MSS51: variants seen among roughly 807,000 people sequenced by gnomAD.
The protein encoded by MSS51 is MSS51 mitochondrial translational activator.
In MSS51, 32 loss-of-function variants were observed where a neutral mutation model predicts 40.2. The ratio of observed to expected loss-of-function variants is 0.80; its 90% confidence interval spans 0.60 to 1.07. The LOEUF (loss-of-function observed/expected upper bound fraction) is 1.07, where lower values mean the gene tolerates loss of function less well. Ranked by LOEUF, MSS51 falls within the 50% of genes least tolerant of loss-of-function variation. The pLI is 0.00. For synonymous variants in MSS51, 178 were observed against 214.2 expected (o/e 0.83, Z 1.48); for missense variants, 518 against 568.9 (o/e 0.91, Z 0.91).
rs75397737 is a variant in MSS51, at chr10:73,423,959, G to A, written c.*594C>T. The stretch of plus-strand genomic sequence containing the variant: ...AGTGCCATCTGGTTCCAGTCAAAAG[G>A]TAAACTTCTTTACAAAGAAAAGTGT... On this transcript the variant is annotated 3_prime_UTR_variant, in exon 7 of 7. Coordinates refer to ENST00000299432, the MANE Select transcript of MSS51 (RefSeq NM_001024593.2). 6,324 of 152,384 alleles carry A rather than the reference G, an allele frequency of 0.042. 398 individuals carry two copies. The highest frequency in any genetic ancestry group is 0.14 in the African/African-American group (5,720 of 41,502). The allele number at this position is 152,384 out of a possible 1,614,324, so 9.4% of individuals were successfully genotyped here.
rs2055991837 is a variant in MSS51, at chr10:73,426,684, C to A, written c.425G>T (p.Trp142Leu). Residue 142 changes from tryptophan (W) to leucine (L), a missense_variant, in exon 4 of 7, where the codon TGG (tryptophan) becomes TTG (leucine). By Grantham distance (61) the Trp-to-Leu change is moderately conservative. Coordinates refer to ENST00000299432, the MANE Select transcript of MSS51 (RefSeq NM_001024593.2). ...YCGPECQKSD[W>L]PAHRRVCQEL... ...TTGACAAACCCTCCTGTGTGCGGGC[C>A]AGTCTGACTTCTGGCACTCTGGACC... is the stretch of plus-strand genomic sequence containing the variant. 6.2e-7 allele frequency: 1 copy of A among 1,614,160 alleles called. No individual in the cohort carries two copies. The highest frequency in any genetic ancestry group is 1.3e-5 in the African/African-American group (1 of 75,026).
intron 2 of MSS51, 81 bp downstream of exon 2, chr10:73,427,983 A>G (rs1276141216): frequency 1.5e-6 from 2 of 1,375,172 alleles, no homozygotes; most frequent in East Asian, 4.7e-5. Flanking sequence ...CATATTCACC[A>G]AACTGTACTC....
rs531836032 is a variant in MSS51, at chr10:73,433,310, G to A, written c.-18+203C>T. On this transcript the variant is annotated intron_variant, in intron 1 of 6. Transcript: ENST00000299432. ...CCAAAAAATGCAAAACGTCTTTGGAGAGGTAGGGAGAAGGAAGACTGAAAC... is the reference window on the plus strand; with the variant it reads ...CCAAAAAATGCAAAACGTCTTTGGAAAGGTAGGGAGAAGGAAGACTGAAAC... Among the ~76,000 whole-genome samples, 3 of 152,216 alleles carry A rather than the reference G, an allele frequency of 2.0e-5. No individual in the cohort carries two copies. The South Asian group carries it at 6.2e-4, about 32-fold the overall frequency.
chr10:73,426,078 C>T lies in MSS51; in HGVS notation c.802G>A (p.Val268Ile), dbSNP rs2055985585. ...RRTGGSTVHV[V>I]GASHVETFLT... Reference sequence around the variant, plus strand: ...AATGTCTCCACATGGGAAGCACCAACCACATGCACTGTGCTTCCCCCAGTC... The same window carrying T: ...AATGTCTCCACATGGGAAGCACCAATCACATGCACTGTGCTTCCCCCAGTC... The change falls in exon 5 of 7, where the codon GTT becomes ATT. Residue 268 changes from valine (V) to isoleucine (I), a missense_variant. By Grantham distance (29) the Val-to-Ile change is conservative. Transcript: ENST00000299432. 2 of 1,614,250 alleles carry T rather than the reference C, an allele frequency of 1.2e-6. No individual in the cohort carries two copies. The highest frequency in any genetic ancestry group is 1.7e-6 in the Non-Finnish European group (2 of 1,180,042).
rs148905727 is a variant in MSS51 at position 73,429,885 on chromosome 10, C to G, written c.-17-1584G>C. 8.5e-5 allele frequency among the ~76,000 whole-genome samples: 13 copies of G among 152,150 alleles called. No individual in the cohort carries two copies. In the East Asian group the frequency reaches 2.5e-3, roughly 30 times the overall value. ...TATAAATCCAACCAGAAAAGTGCAA[C>G]TAAAGCACTAATGGGAGATCAGAAG... On this transcript the variant is annotated intron_variant, in intron 1 of 6. Transcript: ENST00000299432.
At chr10:73,425,054 G>T in intron 6 of MSS51, 44 bp downstream of exon 6, 2 of 1,436,886 alleles carry the variant, frequency 1.4e-6, no homozygotes, top group African/African-American at 1.4e-5. Context: ...TATAAAGAGA[G>T]ATGTAAAGTC....
At position 73,430,799 on chromosome 10, in the gene MSS51, C is replaced by T. The variant is rs566081549; in HGVS notation, c.-17-2498G>A. 2.6e-5 allele frequency among the ~76,000 whole-genome samples: 4 copies of T among 152,166 alleles called. No individual in the cohort carries two copies. In the South Asian group the frequency reaches 8.3e-4, roughly 32 times the overall value. ...CCCAAAATATTTAAAAACAGATACT[C>T]AAACAAATACTTATATGTGAATGTT... On this transcript the variant is annotated intron_variant, in intron 1 of 6. Coordinates refer to ENST00000299432, the MANE Select transcript of MSS51 (RefSeq NM_001024593.2).
At chr10:73,431,316 G>A (rs893522798) in intron 1 of MSS51, among the ~76,000 whole-genome samples, 3 of 152,112 alleles carry the variant, frequency 2.0e-5, no homozygotes, top group African/African-American at 7.2e-5. Flanking sequence ...AAGAAAGGAA[G>A]GAAGGTATTC....
In MSS51 at chr10:73,424,601, A is replaced by C; in HGVS notation, c.1335T>G (p.Cys445Trp). The C allele has an allele frequency of 6.2e-7, 1 of 1,614,162 alleles. No homozygotes were observed. The highest frequency in any genetic ancestry group is 8.5e-7 in the Non-Finnish European group (1 of 1,180,014). The change falls in exon 7 of 7, where the codon TGT becomes TGG. Residue 445 changes from cysteine (C) to tryptophan (W), a missense_variant. Transcript: ENST00000299432. ...AYYIMFLGSS[C>W]QLDNRQLEEK... ...CTTCTAATTGCCTATTATCCAGCTGACAGGAGCTTCCAAGAAACATGATAT... is the reference window on the plus strand; with the variant it reads ...CTTCTAATTGCCTATTATCCAGCTGCCAGGAGCTTCCAAGAAACATGATAT...
At chr10:73,427,428 C>T (rs1038801233) in intron 3 of MSS51, among the ~76,000 whole-genome samples, 185 bp downstream of exon 3, 3 of 151,932 alleles carry the variant, frequency 2.0e-5, no homozygotes, top group Admixed American at 6.6e-5. Flanking sequence ...CAGGTGTGTG[C>T]CACCACACCA....
In MSS51 at chr10:73,426,070, A is replaced by C; in HGVS notation, c.810T>G (p.Ala270=). The change falls in exon 5 of 7, where the codon GCT becomes GCG. Residue 270 remains alanine (A), a synonymous_variant. Transcript: ENST00000299432. The stretch of plus-strand genomic sequence containing the variant: ...GAGTAAGAAATGTCTCCACATGGGA[A>C]GCACCAACCACATGCACTGTGCTTC... ...TGGSTVHVVG[A]SHVETFLTRP... The C allele has an allele frequency of 6.2e-7, 1 of 1,614,246 alleles. No homozygotes were observed. The highest frequency in any genetic ancestry group is 1.3e-5 in the African/African-American group (1 of 75,060).
At position 73,426,051 on chromosome 10, in the gene MSS51, G is replaced by C; in HGVS notation, c.829C>G (p.Leu277Val). 6.2e-7 allele frequency: 1 copy of C among 1,614,218 alleles called. No individual in the cohort carries two copies. Among genetic ancestry groups the C allele is most frequent in the Non-Finnish European group, 8.5e-7 (1 of 1,180,040 alleles). Reference protein sequence around the residue: ...VVGASHVETFLTRPGDYDELG... With the variant: ...VVGASHVETFVTRPGDYDELG... ...TCATCATAGTCCCCTGGGCGAGTAAGAAATGTCTCCACATGGGAAGCACCA... is the reference window on the plus strand; with the variant it reads ...TCATCATAGTCCCCTGGGCGAGTAACAAATGTCTCCACATGGGAAGCACCA... Residue 277 changes from leucine (L) to valine (V), a missense_variant, in exon 5 of 7, where the codon CTT becomes GTT. Coordinates refer to ENST00000299432, the MANE Select transcript of MSS51 (RefSeq NM_001024593.2).
chr10:73,425,760 G>C (rs2055979849), intron 5 of MSS51, 51 bp downstream of exon 5: 4 of 1,518,558 alleles, frequency 2.6e-6, no homozygotes, highest in Non-Finnish European at 3.6e-6. Context: ...ATTCAGGATG[G>C]AAAATTCTCA....
intron 1 of MSS51, among the ~76,000 whole-genome samples, chr10:73,433,055 G>T (rs1176158272): frequency 6.6e-6 from 1 of 152,082 alleles, no homozygotes; most frequent in African/African-American, 2.4e-5. Context: ...TTTAGTCCCA[G>T]TATAAGAGAG....
chr10:73,425,340 T>C, intron 5 of MSS51, 149 bp from the exon 6 acceptor site: 1 of 619,614 alleles, frequency 1.6e-6, no homozygotes, highest in South Asian at 2.0e-5. Flanking sequence ...CAATGAAAAA[T>C]TCTGAACCCA....
intron 5 of MSS51, among the ~76,000 whole-genome samples, chr10:73,425,490 C>T (rs979154811): frequency 1.3e-5 from 2 of 151,422 alleles, no homozygotes; most frequent in East Asian, 3.9e-4. Context: ...GTGGCTAACA[C>T]AGTGAAACCC....
rs141548768 is a variant in MSS51 at position 73,426,047 on chromosome 10, G to A, written c.833C>T (p.Thr278Ile). Residue 278 changes from threonine (T) to isoleucine (I), a missense_variant, in exon 5 of 7, where the codon ACT (threonine) becomes ATT (isoleucine). Coordinates refer to ENST00000299432, the MANE Select transcript of MSS51 (RefSeq NM_001024593.2). Reference sequence around the variant, plus strand: ...AAGCTCATCATAGTCCCCTGGGCGAGTAAGAAATGTCTCCACATGGGAAGC... The same window carrying A: ...AAGCTCATCATAGTCCCCTGGGCGAATAAGAAATGTCTCCACATGGGAAGC... The part of the protein sequence containing the change: ...VGASHVETFL[T>I]RPGDYDELGY... The A allele has an allele frequency of 3.1e-6, 5 of 1,614,088 alleles. No homozygotes were observed. The African/African-American group carries it at 6.7e-5, about 22-fold the overall frequency.
chr10:73,425,661 CA>C (rs1045221109), intron 5 of MSS51, 149 bp downstream of exon 5: 38,309 of 393,244 alleles, frequency 0.097, no homozygotes, highest in South Asian at 0.14. Flanking sequence ...GACTCCGTCT[CA>C]AAAAAAAAAA....
intron 5 of MSS51, 84 bp downstream of exon 5, chr10:73,425,727 G>A: frequency 3.6e-6 from 4 of 1,119,730 alleles, no homozygotes; most frequent in South Asian, 1.5e-5. Flanking sequence ...GAGACCAAAT[G>A]AATGGGGTTC....
Sources: allele counts gnomAD v4.1 joint callset (sites outside exome capture counted in the v4.1 genomes callset), GRCh38; gene constraint gnomAD v4.1.1; transcripts MANE v1.5; gene names NCBI Gene and HGNC (gene_info 2026-07-23, HGNC 2026-07-21).